TOGARAM2: variants seen among roughly 807,000 people sequenced by gnomAD.
TOGARAM2 encodes TOG array regulator of axonemal microtubules 2, also known as TOG array regulator of axonemal microtubules protein 2.
TOGARAM2 carries 85 observed loss-of-function variants against 93.3 expected under a neutral mutation model. The observed-to-expected ratio is 0.91, with a 90% CI of 0.76 to 1.09. TOGARAM2 has a LOEUF of 1.09. TOGARAM2 is among the 50% of genes least tolerant of loss of function. The probability of loss-of-function intolerance (pLI) is 0.00; values close to 1 mark genes in which losing one functional copy is unlikely to be tolerated. For synonymous variants in TOGARAM2, 593 were observed against 552.8 expected (o/e 1.07, Z -1.02); for missense variants, 1,277 against 1,334.5 (o/e 0.96, Z 0.67).
In TOGARAM2 at chr2:29,035,518, C is replaced by G; in HGVS notation, c.2280C>G (p.Arg760=). 2 of 1,557,000 alleles carry G rather than the reference C, an allele frequency of 1.3e-6. No homozygotes were observed. Among genetic ancestry groups the G allele is most frequent in the Non-Finnish European group, 1.7e-6 (2 of 1,151,204 alleles). Residue 760 remains arginine, a synonymous_variant, in exon 17 of 20, where the codon CGC becomes CGG. Coordinates refer to ENST00000379558, the MANE Select transcript of TOGARAM2 (RefSeq NM_199280.4). Reference sequence around the variant, plus strand: ...GGCTGCGCTCCACACTGCAGGGCCGCGGGGAGATGGTGGAGCAGCTACGGG... The same window carrying G: ...GGCTGCGCTCCACACTGCAGGGCCGGGGGGAGATGGTGGAGCAGCTACGGG... The part of the protein sequence containing the change: ...LVGLRSTLQG[R]GEMVEQLREL...
At chr2:29,030,259 G>A (rs921877938) in intron 14 of TOGARAM2, among the ~76,000 whole-genome samples, 4 of 152,182 alleles carry the variant, frequency 2.6e-5, no homozygotes, top group Non-Finnish European at 4.4e-5. Context: ...CTGGGCAACA[G>A]GGTGAGACCC....
chr2:29,032,550 G>A (rs973411716), intron 14 of TOGARAM2, among the ~76,000 whole-genome samples: 2 of 152,172 alleles, frequency 1.3e-5, no homozygotes, highest in Non-Finnish European at 2.9e-5. Context: ...CTTTGGTATA[G>A]CCATTCAACG....
At chr2:29,042,895 T>C (rs1237057868) in intron 18 of TOGARAM2, among the ~76,000 whole-genome samples, 1 of 152,244 alleles carries the variant, frequency 6.6e-6, no homozygotes. Flanking sequence ...GTTACGACTG[T>C]GATAACAAGT....
intron 14 of TOGARAM2, among the ~76,000 whole-genome samples, chr2:29,029,106 G>A (rs1004145032): frequency 1.3e-5 from 2 of 152,118 alleles, no homozygotes; most frequent in African/African-American, 2.4e-5. Context: ...CCCACTACTG[G>A]GTATCCATTG....
chr2:29,026,444 C>T (rs1665371721), intron 13 of TOGARAM2, among the ~76,000 whole-genome samples: 1 of 152,036 alleles, frequency 6.6e-6, no homozygotes, highest in South Asian at 2.1e-4. Flanking sequence ...CTACCTTGGG[C>T]AGTGGGTGGG....
chr2:29,024,855 A>G (rs1665242337), intron 13 of TOGARAM2, among the ~76,000 whole-genome samples: 1 of 152,158 alleles, frequency 6.6e-6, no homozygotes, highest in African/African-American at 2.4e-5. Flanking sequence ...AATGTGGGCC[A>G]GTGAGAAGAG....
At chr2:28,968,440 C>T (rs1310926378) in intron 1 of TOGARAM2, among the ~76,000 whole-genome samples, 1 of 152,060 alleles carries the variant, frequency 6.6e-6, no homozygotes, top group Non-Finnish European at 1.5e-5. Flanking sequence ...TTCTCCACTC[C>T]CCGCAGCGGA....
At chr2:28,991,407 G>C (rs907643980) in intron 1 of TOGARAM2, among the ~76,000 whole-genome samples, 2 of 152,132 alleles carry the variant, frequency 1.3e-5, no homozygotes, top group African/African-American at 4.8e-5. Context: ...TTTGGTTCCA[G>C]AATGAGAGTT....
At chr2:29,037,833 C>A (rs1256021009) in intron 18 of TOGARAM2, among the ~76,000 whole-genome samples, 1 of 152,208 alleles carries the variant, frequency 6.6e-6, no homozygotes, top group African/African-American at 2.4e-5. Flanking sequence ...TTGTTCTCAG[C>A]ATTGCTCTGG....
intron 1 of TOGARAM2, among the ~76,000 whole-genome samples, chr2:28,993,596 C>T (rs968015012): frequency 1.3e-5 from 2 of 152,206 alleles, no homozygotes; most frequent in Non-Finnish European, 2.9e-5. Context: ...ACAGAGAGTT[C>T]CCCTCTCCCT....
At chr2:29,017,086 TTTGATGATTGAATG>T in intron 8 of TOGARAM2, 54 bp from the exon 9 acceptor site, 1 of 1,560,396 alleles carries the variant, frequency 6.4e-7, no homozygotes, top group Non-Finnish European at 8.7e-7. Context: ...TAGAAACATT[TTTGATGATTGAATG>T]TTGATGATTG....
At chr2:29,005,188 A>T (rs1558421904) in intron 6 of TOGARAM2, among the ~76,000 whole-genome samples, 2 of 105,966 alleles carry the variant, frequency 1.9e-5, no homozygotes, top group Admixed American at 2.2e-4. Context: ...ATATGTGTGC[A>T]GTGTGTGTGT....
chr2:29,033,103 G>A (rs1665872125), intron 15 of TOGARAM2, 52 bp downstream of exon 15: 14 of 1,484,730 alleles, frequency 9.4e-6, no homozygotes, highest in Non-Finnish European at 1.2e-5. Context: ...GGGGGTGACA[G>A]TGCTGAGCCT....
intron 2 of TOGARAM2, among the ~76,000 whole-genome samples, chr2:28,996,915 G>T (rs1473553051): frequency 2.7e-5 from 4 of 149,614 alleles, no homozygotes; most frequent in Non-Finnish European, 5.9e-5. Context: ...GTATCCCATT[G>T]TGTATATGTG....
rs556509230 is a variant in TOGARAM2 at position 29,008,013 on chromosome 2, T to TCTTCTCTGC, written c.831-3441_831-3433dup. ...AAAGGGCGGCAAGGAGGGGAAGTGG[T>TCTTCTCTGC]CTTCTCTGCATTGTCCACAGGCATC... On this transcript the variant is annotated intron_variant, in intron 6 of 19. Coordinates refer to ENST00000379558, the MANE Select transcript of TOGARAM2 (RefSeq NM_199280.4). 5.6e-3 allele frequency among the ~76,000 whole-genome samples: 858 copies of TCTTCTCTGC among 152,122 alleles called. 12 individuals carry two copies. Among genetic ancestry groups the TCTTCTCTGC allele is most frequent in the African/African-American group, 0.02 (819 of 41,448 alleles).
chr2:28,960,264 A>T (rs1671784693), intron 1 of TOGARAM2, among the ~76,000 whole-genome samples: 1 of 152,336 alleles, frequency 6.6e-6, no homozygotes, highest in African/African-American at 2.4e-5. Flanking sequence ...CTTCAGGGTG[A>T]CGTGCCTACA....
chr2:29,047,399 A>G (rs1398165196), intron 19 of TOGARAM2: 1 of 152,144 alleles, frequency 6.6e-6, no homozygotes, highest in Non-Finnish European at 1.5e-5. Flanking sequence ...TTTCTTGTCT[A>G]TTTCCAAGAG....
intron 15 of TOGARAM2, among the ~76,000 whole-genome samples, 191 bp downstream of exon 15, chr2:29,033,242 C>G (rs1247551656): frequency 1.3e-5 from 2 of 152,218 alleles, no homozygotes; most frequent in Non-Finnish European, 2.9e-5. Flanking sequence ...TAACCTCACA[C>G]TACCCATGTT....
At chr2:28,979,243 T>C (rs148856860), upstream of TOGARAM2, among the ~76,000 whole-genome samples, 4 of 152,140 alleles carry the variant, frequency 2.6e-5, no homozygotes, top group African/African-American at 7.2e-5. Flanking sequence ...GGGGATTTCA[T>C]GTGGATGTCA....
Sources: allele counts gnomAD v4.1 joint callset (sites outside exome capture counted in the v4.1 genomes callset), GRCh38; gene constraint gnomAD v4.1.1; transcripts MANE v1.5; gene names NCBI Gene and HGNC (gene_info 2026-07-23, HGNC 2026-07-21).